CUL1: variants seen among roughly 807,000 people sequenced by gnomAD.
The protein encoded by CUL1 is cullin-1.
In CUL1, 24 loss-of-function variants were observed where a neutral mutation model predicts 118.0. The observed-to-expected ratio is 0.20, with a 90% CI of 0.15 to 0.29. CUL1 has a LOEUF of 0.29. Among genes scored for constraint, CUL1 ranks in the 10% least tolerant of loss-of-function variants. CUL1 has a pLI of 1.00. For synonymous variants in CUL1, 332 were observed against 340.4 expected (o/e 0.98, Z 0.27); for missense variants, 361 against 933.8 (o/e 0.39, Z 7.99).
intron 7 of CUL1, among the ~76,000 whole-genome samples, chr7:148,763,476 CTAT>C (rs1226513833): frequency 6.6e-6 from 1 of 152,170 alleles, no homozygotes; most frequent in Non-Finnish European, 1.5e-5. Context: ...AGCTATGAGT[CTAT>C]TTTTAAATCC....
intron 17 of CUL1, among the ~76,000 whole-genome samples, chr7:148,797,128 A>G (rs565078720): frequency 4.6e-5 from 7 of 152,252 alleles, no homozygotes; most frequent in Non-Finnish European, 5.9e-5. Flanking sequence ...GCTTGAGTGC[A>G]TCAAAGGCAA....
intron 1 of CUL1, among the ~76,000 whole-genome samples, chr7:148,718,180 GCATGCTT>G (rs1253817919): frequency 6.6e-6 from 1 of 152,158 alleles, no homozygotes; most frequent in Non-Finnish European, 1.5e-5. Flanking sequence ...TTTACAGCTA[GCATGCTT>G]TAAGTCTGTT....
chr7:148,737,648 T>G (rs1799002587), intron 2 of CUL1, among the ~76,000 whole-genome samples: 1 of 151,788 alleles, frequency 6.6e-6, no homozygotes, highest in African/African-American at 2.4e-5. Context: ...TTGCCCAGGC[T>G]GGAGTGCAGT....
rs767552872 is a variant in CUL1 at position 148,790,335 on chromosome 7, C to T, written c.1700C>T (p.Thr567Ile). 1 of 1,614,184 alleles carries T rather than the reference C, an allele frequency of 6.2e-7. No individual in the cohort carries two copies. Among genetic ancestry groups the T allele is most frequent in the Non-Finnish European group, 8.5e-7 (1 of 1,180,010 alleles). The change falls in exon 16 of 22, where the codon ACA becomes ATA. Residue 567 changes from threonine to isoleucine, a missense_variant. By Grantham distance (89) the Thr-to-Ile change is moderately conservative (BLOSUM62 -1). Coordinates refer to ENST00000325222, the MANE Select transcript of CUL1 (RefSeq NM_003592.3). ...TTGGAACGTAGTTATCAGCGATTCA[C>T]AGCTTTCTACGCCAGCCGCCACAGT... ...SELERSYQRF[T>I]AFYASRHSGR...
intron 1 of CUL1, among the ~76,000 whole-genome samples, chr7:148,699,323 G>T (rs1797634022): frequency 2.6e-5 from 4 of 151,956 alleles, no homozygotes; most frequent in African/African-American, 9.6e-5. Flanking sequence ...ACGATTCATC[G>T]CGCCTGGAGG....
At chr7:148,703,651 G>T (rs1797789350) in intron 1 of CUL1, among the ~76,000 whole-genome samples, 1 of 151,926 alleles carries the variant, frequency 6.6e-6, no homozygotes, top group Admixed American at 6.6e-5. Context: ...TCCTGCCTCA[G>T]CCTCCCGAGT....
At chr7:148,759,188 C>G in intron 4 of CUL1, 116 bp from the exon 5 acceptor site, 1 of 1,005,028 alleles carries the variant, frequency 9.9e-7, no homozygotes. Flanking sequence ...AGATTTTGAC[C>G]AACTTGTAAT....
At chr7:148,698,005 A>G (rs1249616107), upstream of CUL1, 1 of 152,272 alleles carries the variant, frequency 6.6e-6, no homozygotes, top group Non-Finnish European at 1.5e-5. Context: ...GATAGAGTGA[A>G]TGTCAAAATT....
At chr7:148,766,199 T>C (rs1295618752) in intron 7 of CUL1, among the ~76,000 whole-genome samples, 1 of 146,024 alleles carries the variant, frequency 6.8e-6, no homozygotes, top group Non-Finnish European at 1.5e-5. Flanking sequence ...GGCACAATCA[T>C]AGCTTACTAT....
intron 2 of CUL1, among the ~76,000 whole-genome samples, chr7:148,750,489 C>G (rs1799452875): frequency 6.6e-6 from 1 of 152,074 alleles, no homozygotes; most frequent in Non-Finnish European, 1.5e-5. Context: ...GTGATGTTCC[C>G]CTTCCTGTGT....
chr7:148,756,764 GA>G (rs2129460439), intron 3 of CUL1, among the ~76,000 whole-genome samples: 1 of 152,200 alleles, frequency 6.6e-6, no homozygotes, highest in African/African-American at 2.4e-5. Context: ...TTAATACCAT[GA>G]AAAATGTTCC....
chr7:148,750,166 A>C (rs947826253), intron 2 of CUL1, among the ~76,000 whole-genome samples: 4 of 152,254 alleles, frequency 2.6e-5, no homozygotes, highest in Non-Finnish European at 4.4e-5. Context: ...AAGGTGAAGC[A>C]GCAAGTGCTG....
intron 12 of CUL1, 60 bp from the exon 13 acceptor site, chr7:148,786,929 C>T (rs1471263587): frequency 6.3e-7 from 1 of 1,580,454 alleles, no homozygotes; most frequent in Non-Finnish European, 8.6e-7. Context: ...TGACAGTCAG[C>T]TCTGCACTGT....
At chr7:148,727,808 G>A (rs934354871) in intron 1 of CUL1, among the ~76,000 whole-genome samples, 12 of 152,000 alleles carry the variant, frequency 7.9e-5, no homozygotes, top group Non-Finnish European at 1.5e-4. Context: ...GGGGAGGGAG[G>A]GGGAGAGTTG....
At chr7:148,740,754 A>G (rs2129459916) in intron 2 of CUL1, among the ~76,000 whole-genome samples, 1 of 152,288 alleles carries the variant, frequency 6.6e-6, no homozygotes, top group East Asian at 1.9e-4. Context: ...TTACCCTGAT[A>G]GGATTGGTGT....
intron 2 of CUL1, among the ~76,000 whole-genome samples, chr7:148,748,280 A>G (rs912542954): frequency 3.3e-5 from 5 of 152,210 alleles, no homozygotes; most frequent in Admixed American, 6.5e-5. Context: ...TAAAAAGTCA[A>G]TTATGCTGTG....
rs911227621 is a variant in CUL1, at chr7:148,768,290, C to T, written c.1083+541C>T. Among the ~76,000 whole-genome samples, 6 of 151,316 alleles carry T rather than the reference C, an allele frequency of 4.0e-5. No individual in the cohort carries two copies. The South Asian group carries it at 6.2e-4, about 16-fold the overall frequency. On this transcript the variant is annotated intron_variant, in intron 9 of 21. Transcript: ENST00000325222. The stretch of plus-strand genomic sequence containing the variant: ...GATAATTTCACATTGGAAATAATTG[C>T]GTTTTTAAGACACAAATGAGTTGCC...
At chr7:148,789,338 T>TA (rs1800931584) in intron 14 of CUL1, among the ~76,000 whole-genome samples, 1 of 152,180 alleles carries the variant, frequency 6.6e-6, no homozygotes, top group African/African-American at 2.4e-5. Flanking sequence ...AAGTGAAACA[T>TA]ACACTATAAT....
chr7:148,787,386 C>T lies in CUL1; in HGVS notation c.1479+266C>T, dbSNP rs960275211. ...CTGAGGCAGGAGAATGGCATGAACC[C>T]GGGAGGCAGAGGTTGCGGTGAGCCG... On this transcript the variant is annotated intron_variant, in intron 13 of 21. Coordinates refer to ENST00000325222, the MANE Select transcript of CUL1 (RefSeq NM_003592.3). This position sits in a 1 kb window ranked among gnomAD's most constrained non-coding sequence, Gnocchi z 5.5. Among the ~76,000 whole-genome samples the T allele has an allele frequency of 6.6e-5, 10 of 151,198 alleles. No homozygotes were observed. The highest frequency in any genetic ancestry group is 2.0e-4 in the Admixed American group (3 of 15,186).
Sources: gnomAD v4.1 joint callset for allele counts (sites outside exome capture counted in the v4.1 genomes callset) on GRCh38, gnomAD v4.1.1 for gene constraint, Gnocchi (gnomAD v3.1) non-coding constraint, MANE v1.5 for transcripts, NCBI Gene and HGNC (gene_info 2026-07-23, HGNC 2026-07-21) for gene names.